VPS13B: variants seen among roughly 807,000 people sequenced by gnomAD.
VPS13B encodes the protein intermembrane lipid transfer protein VPS13B.
A neutral mutation model predicts 426.4 loss-of-function variants in VPS13B; 285 were observed. The observed-to-expected ratio is 0.67, with a 90% CI of 0.61 to 0.74. The LOEUF (loss-of-function observed/expected upper bound fraction) is 0.74, where lower values mean the gene tolerates loss of function less well. Among genes scored for constraint, VPS13B ranks in the 30% least tolerant of loss-of-function variants. The pLI is 0.00. For missense variants in VPS13B, 4,537 were observed against 4,782.6 expected, an observed-to-expected ratio of 0.95 and a Z score of 1.51; for synonymous variants, 1,676 against 1,676.4, an observed-to-expected ratio of 1.00 and a Z score of 0.01.
intron 19 of VPS13B, among the ~76,000 whole-genome samples, chr8:99,277,799 A>T (rs953248582): frequency 4.6e-5 from 7 of 152,160 alleles, no homozygotes; most frequent in African/African-American, 1.7e-4. Flanking sequence ...TTTGGGCAGG[A>T]CGTTTTGTCT....
chr8:99,326,483 G>C, intron 19 of VPS13B, among the ~76,000 whole-genome samples: 1 of 3,710 alleles, frequency 2.7e-4, no homozygotes, highest in Non-Finnish European at 6.4e-4. Flanking sequence ...TTTTTTTTTT[G>C]AGACAGAATC....
chr8:99,203,875 G>GA (rs1814511289), intron 17 of VPS13B, among the ~76,000 whole-genome samples: 1 of 152,144 alleles, frequency 6.6e-6, no homozygotes, highest in Non-Finnish European at 1.5e-5. Context: ...CATACAAATG[G>GA]AAAAACATTC....
At chr8:99,711,669 A>G (rs1396966109) in intron 36 of VPS13B, among the ~76,000 whole-genome samples, 1 of 152,248 alleles carries the variant, frequency 6.6e-6, no homozygotes, top group African/African-American at 2.4e-5. Flanking sequence ...TTCCTGTTCA[A>G]CAGTTCATGT....
At chr8:99,644,714 A>T (rs1010773477) in intron 34 of VPS13B, among the ~76,000 whole-genome samples, 2 of 152,236 alleles carry the variant, frequency 1.3e-5, no homozygotes, top group Non-Finnish European at 2.9e-5. Flanking sequence ...CCTGGTTAGT[A>T]ATAAGCAAAA....
intron 29 of VPS13B, among the ~76,000 whole-genome samples, chr8:99,515,595 TTTTGTTTTTCTGTGGAC>T (rs1204747061): frequency 1.3e-5 from 2 of 152,200 alleles, no homozygotes; most frequent in African/African-American, 2.4e-5. Flanking sequence ...ACATAATTTC[TTTTGTTTTTCTGTGGAC>T]TTTAAGTGGA....
chr8:99,153,602 A>G (rs943194557), intron 14 of VPS13B, among the ~76,000 whole-genome samples: 2 of 152,194 alleles, frequency 1.3e-5, no homozygotes, highest in African/African-American at 2.4e-5. Flanking sequence ...TAATTCTGCC[A>G]TCCTGCTTCT....
intron 30 of VPS13B, among the ~76,000 whole-genome samples, chr8:99,528,408 ACTAGACACCAATAGT>A (rs1822762018): frequency 6.6e-6 from 1 of 152,090 alleles, no homozygotes; most frequent in Non-Finnish European, 1.5e-5. Flanking sequence ...GCTTATGATG[ACTAGACACCAATAGT>A]AGATATATAT....
At chr8:99,473,252 T>C (rs972522076) in intron 24 of VPS13B, among the ~76,000 whole-genome samples, 4 of 152,060 alleles carry the variant, frequency 2.6e-5, no homozygotes, top group Non-Finnish European at 5.9e-5. Flanking sequence ...ATATAAGTTC[T>C]TAACCAAATG....
intron 19 of VPS13B, among the ~76,000 whole-genome samples, chr8:99,325,204 G>GC (rs948970258): frequency 1.3e-5 from 2 of 152,072 alleles, no homozygotes; most frequent in Admixed American, 6.6e-5. Flanking sequence ...TCTCACCTGG[G>GC]CCCCCCAAAG....
rs140349967 is a variant in VPS13B, at chr8:99,840,167, A to G, written c.9942+4429A>G. ...TATTCCAAATGTGGTCTAACCAGCTATTAACTCCCTATGCTTCCATTAATA... is the reference window on the plus strand; with the variant it reads ...TATTCCAAATGTGGTCTAACCAGCTGTTAACTCCCTATGCTTCCATTAATA... On this transcript the variant is annotated intron_variant, in intron 54 of 61. Coordinates refer to ENST00000357162, the MANE Select transcript of VPS13B (RefSeq NM_152564.5). Among the ~76,000 whole-genome samples, 547 of 152,356 alleles carry G rather than the reference A, an allele frequency of 3.6e-3. 2 individuals are homozygous for G. The highest frequency in any genetic ancestry group is 5.9e-3 in the Non-Finnish European group (404 of 68,038).
chr8:99,733,957 G>C (rs1360095790), intron 39 of VPS13B, among the ~76,000 whole-genome samples: 1 of 152,082 alleles, frequency 6.6e-6, no homozygotes, highest in Non-Finnish European at 1.5e-5. Flanking sequence ...GTCCTCACCA[G>C]AATCAATTTT....
At chr8:99,549,432 C>T (rs1423271148) in intron 30 of VPS13B, among the ~76,000 whole-genome samples, 1 of 152,066 alleles carries the variant, frequency 6.6e-6, no homozygotes, top group African/African-American at 2.4e-5. Flanking sequence ...GGAAAGATTT[C>T]AAAGTAGGGT....
chr8:99,570,422 A>G (rs923004297), intron 31 of VPS13B, among the ~76,000 whole-genome samples: 7 of 152,078 alleles, frequency 4.6e-5, no homozygotes, highest in African/African-American at 1.7e-4. Flanking sequence ...TCTCAAATCT[A>G]TATTCTAGTC....
At chr8:99,557,418 C>T (rs1369760066) in intron 31 of VPS13B, among the ~76,000 whole-genome samples, 1 of 151,864 alleles carries the variant, frequency 6.6e-6, no homozygotes, top group Non-Finnish European at 1.5e-5. Flanking sequence ...TCCTGAGTTA[C>T]TTCCCTTAGA....
At chr8:99,178,141 CTTTTTA>C (rs1264493867) in intron 16 of VPS13B, among the ~76,000 whole-genome samples, 1 of 149,826 alleles carries the variant, frequency 6.7e-6, no homozygotes, top group Non-Finnish European at 1.5e-5. Flanking sequence ...GATTTAATTT[CTTTTTA>C]TTTTTTATTT....
chr8:99,326,639 T>C (rs1810295199), intron 19 of VPS13B, among the ~76,000 whole-genome samples: 1 of 151,712 alleles, frequency 6.6e-6, no homozygotes, highest in South Asian at 2.1e-4. Flanking sequence ...GCTCAAGCGA[T>C]CTGCCCACCT....
chr8:99,044,242 A>G (rs1224850077), intron 3 of VPS13B, among the ~76,000 whole-genome samples: 1 of 150,924 alleles, frequency 6.6e-6, no homozygotes, highest in African/African-American at 2.4e-5. Flanking sequence ...CACCACCTCA[A>G]CCAGCTAATT....
chr8:99,142,373 C>T (rs772451924), intron 12 of VPS13B, among the ~76,000 whole-genome samples: 4 of 152,158 alleles, frequency 2.6e-5, no homozygotes, highest in Non-Finnish European at 5.9e-5. Flanking sequence ...GATAATGACA[C>T]ATGCCTATAC....
At chr8:99,044,084 C>CTT (rs5893476) in intron 3 of VPS13B, among the ~76,000 whole-genome samples, 2,445 of 98,924 alleles carry the variant, frequency 0.025, 204 homozygotes, top group Middle Eastern at 0.041. Context: ...TTCTTTCTTT[C>CTT]TTTTTTTTTT....
Sources: gnomAD v4.1 joint callset for allele counts (sites outside exome capture counted in the v4.1 genomes callset) on GRCh38, gnomAD v4.1.1 for gene constraint, MANE v1.5 for transcripts, NCBI Gene and HGNC (gene_info 2026-07-23, HGNC 2026-07-21) for gene names.